Variants in KIF5A observed in about 807,000 individuals in gnomAD.
The protein encoded by KIF5A is kinesin family member 5A.
KIF5A carries 35 observed loss-of-function variants against 141.3 expected under a neutral mutation model. The observed-to-expected ratio is 0.25, with a 90% CI of 0.19 to 0.33. The LOEUF is 0.33. Among genes scored for constraint, KIF5A ranks in the 10% least tolerant of loss-of-function variants. The probability of loss-of-function intolerance (pLI) is 1.00; values close to 1 mark genes in which losing one functional copy is unlikely to be tolerated. For missense variants in KIF5A, 861 were observed against 1,314.3 expected (o/e 0.66, Z 5.33); for synonymous variants, 448 against 500.2 (o/e 0.90, Z 1.39).
Position 57,566,470 on chromosome 12 carries a change from G to A in KIF5A, c.502-656G>A, listed in dbSNP as rs187112062. Among the ~76,000 whole-genome samples the A allele has an allele frequency of 1.9e-3, 282 of 150,706 alleles. 1 individual carries two copies. The highest frequency in any genetic ancestry group is 0.014 in the South Asian group (69 of 4,766). The stretch of plus-strand genomic sequence containing the variant: ...GTTGCCCAGGCTGGGGTACAGTGGC[G>A]CCCGATCTTGGCTTACTGCAACCTC... On this transcript the variant is annotated intron_variant, in intron 6 of 28. Transcript: ENST00000455537.
rs1881521155 is a variant in KIF5A at position 57,550,127 on chromosome 12, C to T, written c.-145C>T. On this transcript the variant is annotated 5_prime_UTR_variant, in exon 1 of 29. Transcript: ENST00000455537. This position sits in a 1 kb window ranked among gnomAD's most constrained non-coding sequence, Gnocchi z 4.6. ...GACAGCGCGCCCCGGCCCTGCTCCC[C>T]AGGCTTCGCCCGGGCGCCCTCAACT... 3.5e-6 allele frequency: 4 copies of T among 1,156,552 alleles called. No homozygotes were observed. The South Asian group carries it at 3.8e-5, about 11-fold the overall frequency. The allele number at this position is 1,156,552 out of a possible 1,614,324, so 71.6% of individuals were successfully genotyped here. A position where few individuals can be genotyped will look rare whatever the true frequency, so the allele number is the denominator to read the frequency against.
rs776313683 is a variant in KIF5A, at chr12:57,575,137, C to T, written c.1770C>T (p.Tyr590=). 6.2e-7 allele frequency: 1 copy of T among 1,614,076 alleles called. No individual in the cohort carries two copies. Among genetic ancestry groups the T allele is most frequent in the Non-Finnish European group, 8.5e-7 (1 of 1,180,006 alleles). ...AGGAGTTCACTGTGGCCCGACTCTA[C>T]ATCAGCAAAATCAAATCAGAAGTCA... ...IEEEFTVARL[Y]ISKIKSEVKS... Residue 590 remains tyrosine, a synonymous_variant, in exon 16 of 29, where the codon TAC becomes TAT. Coordinates refer to ENST00000455537, the MANE Select transcript of KIF5A (RefSeq NM_004984.4).
chr12:57,580,189 C>G (rs1488944506), intron 23 of KIF5A, among the ~76,000 whole-genome samples: 1 of 152,150 alleles, frequency 6.6e-6, no homozygotes, highest in Non-Finnish European at 1.5e-5. Flanking sequence ...TTCCAAGGCC[C>G]TGCTCCTTTT....
At position 57,572,876 on chromosome 12, in the gene KIF5A, T is replaced by A; in HGVS notation, c.1716+150T>A. Reference sequence around the variant, plus strand: ...TAGACCCAGGAAGACAGGTAGAGGCTTGTATAGACCCAATTGAAAAGATAC... The same window carrying A: ...TAGACCCAGGAAGACAGGTAGAGGCATGTATAGACCCAATTGAAAAGATAC... On this transcript the variant is annotated intron_variant, in intron 15 of 28. Transcript: ENST00000455537. This position sits in a 1 kb window ranked among gnomAD's most constrained non-coding sequence, Gnocchi z 4.2. 1 of 960,964 alleles carries A rather than the reference T, an allele frequency of 1.0e-6. No homozygotes were observed. The highest frequency in any genetic ancestry group is 1.3e-5 in the South Asian group (1 of 75,822). 59.5% of individuals were successfully genotyped at this position (960,964 alleles called of 1,614,324 possible). A position where few individuals can be genotyped will look rare whatever the true frequency, so the allele number is the denominator to read the frequency against.
chr12:57,564,595 G>C lies in KIF5A; in HGVS notation c.445+87G>C. The C allele has an allele frequency of 2.4e-5, 27 of 1,109,814 alleles. No individual in the cohort carries two copies. In the South Asian group the frequency reaches 3.4e-4, roughly 14 times the overall value. 68.7% of individuals were successfully genotyped at this position (1,109,814 alleles called of 1,614,324 possible). A position where few individuals can be genotyped will look rare whatever the true frequency, so the allele number is the denominator to read the frequency against. On this transcript the variant is annotated intron_variant, in intron 5 of 28. Coordinates refer to ENST00000455537, the MANE Select transcript of KIF5A (RefSeq NM_004984.4). ...TTGCATTTGGAATTAGGTACCAATT[G>C]ACAAGAGATGCAGAGGGCACACAGC...
chr12:57,574,561 C>T (rs578258417), intron 15 of KIF5A, among the ~76,000 whole-genome samples: 9 of 144,870 alleles, frequency 6.2e-5, no homozygotes, highest in East Asian at 2.1e-4. Flanking sequence ...CGTGAGCCAC[C>T]GAGCCCGGCC....
chr12:57,574,356 T>C (rs556040372), intron 15 of KIF5A, among the ~76,000 whole-genome samples: 1 of 149,882 alleles, frequency 6.7e-6, no homozygotes, highest in South Asian at 2.2e-4. Context: ...CACTGCAACC[T>C]CCGCCTCCCA....
chr12:57,573,368 A>G (rs1385326011), intron 15 of KIF5A, among the ~76,000 whole-genome samples: 1 of 152,060 alleles, frequency 6.6e-6, no homozygotes, highest in Non-Finnish European at 1.5e-5. Flanking sequence ...TATCTCTACA[A>G]AAAATACAAA....
rs114989585 is a variant in KIF5A at position 57,567,249 on chromosome 12, G to A, written c.589+36G>A. 1.4e-3 allele frequency: 2,120 copies of A among 1,512,758 alleles called. 27 individuals carry two copies. In the African/African-American group the frequency reaches 0.025, roughly 18 times the overall value. 93.7% of individuals were successfully genotyped at this position (1,512,758 alleles called of 1,614,324 possible). ...ATACAAGGGGATCTCTCGAGTCTGA[G>A]GATCCACTTGTGTTCTGTGTCCTCT... On this transcript the variant is annotated intron_variant, in intron 7 of 28. Coordinates refer to ENST00000455537, the MANE Select transcript of KIF5A (RefSeq NM_004984.4).
At chr12:57,560,947 G>A (rs536986006) in intron 1 of KIF5A, among the ~76,000 whole-genome samples, 59 of 151,898 alleles carry the variant, frequency 3.9e-4, no homozygotes, top group African/African-American at 5.3e-4. Context: ...CTGTGATTTC[G>A]CCACTGTACT....
At position 57,563,558 on chromosome 12, in the gene KIF5A, C is replaced by T. The variant is rs779874145; in HGVS notation, c.217+32C>T. 5 of 1,605,928 alleles carry T rather than the reference C, an allele frequency of 3.1e-6. No homozygotes were observed. In the Admixed American group the frequency reaches 5.0e-5, roughly 16 times the overall value. On this transcript the variant is annotated intron_variant, in intron 2 of 28. Coordinates refer to ENST00000455537, the MANE Select transcript of KIF5A (RefSeq NM_004984.4). ...GATTTCTTTTTAGAATGTCTCTTCTCAGCACCCCATTTCCTACCCGACCTA... is the reference window on the plus strand; with the variant it reads ...GATTTCTTTTTAGAATGTCTCTTCTTAGCACCCCATTTCCTACCCGACCTA...
In KIF5A at chr12:57,564,197, T is replaced by A. The variant is rs140832607; in HGVS notation, c.381T>A (p.Leu127=). ...FNHIYSMDEN[L]EFHIKVSYFE... is the part of the protein sequence containing the mutation. The stretch of plus-strand genomic sequence containing the variant: ...ACATCTACTCCATGGATGAGAACCT[T>A]GAGTTCCACATCAAGGTGACCAGGG... The change falls in exon 4 of 29, where the codon CTT becomes CTA. Residue 127 remains leucine, a synonymous_variant. Transcript: ENST00000455537. 1.9e-5 allele frequency: 31 copies of A among 1,609,718 alleles called. No homozygotes were observed. In the African/African-American group the frequency reaches 4.0e-4, roughly 21 times the overall value.
rs1049366640 is a variant in KIF5A, at chr12:57,585,116, T to G, written c.*935T>G. The G allele has an allele frequency of 6.6e-6, 1 of 152,400 alleles. No homozygotes were observed. The highest frequency in any genetic ancestry group is 2.4e-5 in the African/African-American group (1 of 41,422). The allele number at this position is 152,400 out of a possible 1,614,324, so 9.4% of individuals were successfully genotyped here. A position where few individuals can be genotyped will look rare whatever the true frequency, so the allele number is the denominator to read the frequency against. On this transcript the variant is annotated 3_prime_UTR_variant, in exon 29 of 29. Transcript: ENST00000455537. ...TAGGCTGGGAAATTTCTGAGCCTTT[T>G]TTTTTTGTCACAGTGCCCTCAAGTT...
chr12:57,556,033 T>C (rs1881729748), intron 1 of KIF5A, among the ~76,000 whole-genome samples: 1 of 151,834 alleles, frequency 6.6e-6, no homozygotes. Flanking sequence ...CAGCCAAGAA[T>C]ACAGAAGTAG....
Position 57,567,481 on chromosome 12 carries a change from C to T in KIF5A, c.590-13C>T, listed in dbSNP as rs1882102472. On this transcript the variant is annotated splice_polypyrimidine_tract_variant and intron_variant, in intron 7 of 28. Coordinates refer to ENST00000455537, the MANE Select transcript of KIF5A (RefSeq NM_004984.4). ...AGGGTGGTGCAGGTCCTGTTTCTCC[C>T]TTGCTCCTGCAGACATGAATGAACA... is the stretch of plus-strand genomic sequence containing the variant. 6.2e-7 allele frequency: 1 copy of T among 1,612,610 alleles called. No homozygotes were observed. Among genetic ancestry groups the T allele is most frequent in the Non-Finnish European group, 8.5e-7 (1 of 1,179,524 alleles).
chr12:57,581,756 C>T, intron 25 of KIF5A, 114 bp from the exon 26 acceptor site: 1 of 1,245,570 alleles, frequency 8.0e-7, no homozygotes, highest in East Asian at 2.3e-5. Flanking sequence ...CCTCTGCTCT[C>T]TGGGGATGGG....
At position 57,583,135 on chromosome 12, in the gene KIF5A, C is replaced by T; in HGVS notation, c.3055C>T (p.Gln1019Ter). 6.2e-7 allele frequency: 1 copy of T among 1,614,046 alleles called. No homozygotes were observed. The highest frequency in any genetic ancestry group is 8.5e-7 in the Non-Finnish European group (1 of 1,179,994). Residue 1019 changes from glutamine to a stop codon, truncating the protein, a stop_gained, in exon 28 of 29, where the codon CAG (glutamine) becomes TAG (stop). Coordinates refer to ENST00000455537, the MANE Select transcript of KIF5A (RefSeq NM_004984.4). LOFTEE classifies it high-confidence loss of function. The part of the protein sequence containing the change: ...DLPCGYEAED[Q>*]AKLFPLHQET... ...GCCGTGTGGCTATGAGGCTGAGGAC[C>T]AGGCCAAGCTTTTCCCTCTCCACCA...
In KIF5A at chr12:57,550,989, C is replaced by T. The variant is rs1881553327; in HGVS notation, c.129+589C>T. 6.6e-6 allele frequency among the ~76,000 whole-genome samples: 1 copy of T among 151,992 alleles called. No homozygotes were observed. Among genetic ancestry groups the T allele is most frequent in the Non-Finnish European group, 1.5e-5 (1 of 67,982 alleles). The stretch of plus-strand genomic sequence containing the variant: ...GGGAAAGAAATCATTGATGCCACAC[C>T]CAATCTTGGGGGGAGCCTCTGGAAT... On this transcript the variant is annotated intron_variant, in intron 1 of 28. Transcript: ENST00000455537. This position sits in a 1 kb window ranked among gnomAD's most constrained non-coding sequence, Gnocchi z 4.6.
chr12:57,556,621 A>G (rs1361699040), intron 1 of KIF5A, among the ~76,000 whole-genome samples: 57 of 149,182 alleles, frequency 3.8e-4, no homozygotes, highest in Admixed American at 3.7e-3. Context: ...TAGATCCTGT[A>G]ACTGGGAATG....
Sources: allele counts gnomAD v4.1 joint callset (sites outside exome capture counted in the v4.1 genomes callset), GRCh38; gene constraint gnomAD v4.1.1; non-coding constraint Gnocchi (gnomAD v3.1); transcripts MANE v1.5; gene names NCBI Gene and HGNC (gene_info 2026-07-23, HGNC 2026-07-21).